The following IQSEC1 variants were observed in gnomAD, a reference collection of about 807,000 sequenced individuals.
IQSEC1 encodes IQ motif and SEC7 domain-containing protein 1.
In IQSEC1, 31 loss-of-function variants were observed where a neutral mutation model predicts 91.0. That is an observed-to-expected ratio of 0.34 (90% confidence interval 0.26 to 0.46). The LOEUF (loss-of-function observed/expected upper bound fraction) is 0.46, where lower values mean the gene tolerates loss of function less well. Ranked by LOEUF, IQSEC1 falls within the 20% of genes least tolerant of loss-of-function variation. IQSEC1 has a pLI of 1.00. For synonymous variants in IQSEC1, 699 were observed against 662.6 expected (o/e 1.05, Z -0.84); for missense variants, 1,388 against 1,575.6 (o/e 0.88, Z 2.02).
intron 1 of IQSEC1, among the ~76,000 whole-genome samples, chr3:13,046,237 A>G (rs1704488256): frequency 6.6e-6 from 1 of 152,254 alleles, no homozygotes; most frequent in African/African-American, 2.4e-5. Context: ...CACAAAGCAA[A>G]GGAAGTACTG....
At chr3:12,904,637 A>G (rs1694767176) in intron 12 of IQSEC1, among the ~76,000 whole-genome samples, 1 of 152,126 alleles carries the variant, frequency 6.6e-6, no homozygotes, top group African/African-American at 2.4e-5. Flanking sequence ...CACTCAGGAC[A>G]TTGTGGCGCC....
intron 1 of IQSEC1, among the ~76,000 whole-genome samples, chr3:13,222,194 G>A (rs1031105376): frequency 7.7e-6 from 1 of 129,072 alleles, no homozygotes; most frequent in Middle Eastern, 4.4e-3. Flanking sequence ...CTCCGTGAAT[G>A]TGACTACTCC....
intron 1 of IQSEC1, among the ~76,000 whole-genome samples, chr3:13,268,587 G>C (rs1011744291): frequency 6.6e-6 from 1 of 152,154 alleles, no homozygotes; most frequent in African/African-American, 2.4e-5. Context: ...AGACTGCACT[G>C]ATGTCACGAA....
At chr3:13,132,675 C>T (rs1706639339) in intron 2 of IQSEC1, among the ~76,000 whole-genome samples, 1 of 152,224 alleles carries the variant, frequency 6.6e-6, no homozygotes, top group Non-Finnish European at 1.5e-5. Context: ...TTGTTCATTT[C>T]CTACCTCTCA....
At chr3:12,999,221 T>C (rs889963567) in intron 1 of IQSEC1, among the ~76,000 whole-genome samples, 2 of 152,040 alleles carry the variant, frequency 1.3e-5, no homozygotes, top group Non-Finnish European at 2.9e-5. Context: ...AGACGAGTAC[T>C]AAGACTCCTT....
rs80333581 is a variant in IQSEC1, at chr3:12,907,864, C to T, written c.2755+485G>A. Among the ~76,000 whole-genome samples the T allele has an allele frequency of 4.6e-3, 694 of 152,328 alleles. 6 individuals carry two copies. The highest frequency in any genetic ancestry group is 0.016 in the African/African-American group (665 of 41,574). On this transcript the variant is annotated intron_variant, in intron 12 of 13. Transcript: ENST00000613206. ...GCTGCTCAATGGCCTCTGGGCTGGA[C>T]GAGGCCCGGGTTTCCCAGGAGAGGA...
intron 1 of IQSEC1, among the ~76,000 whole-genome samples, chr3:12,996,705 C>A (rs1702239617): frequency 6.6e-6 from 1 of 152,108 alleles, no homozygotes; most frequent in Admixed American, 6.6e-5. Context: ...ATAAACAGGT[C>A]TTTCAAATCG....
In IQSEC1 at chr3:12,901,934, G is replaced by A. The variant is rs998930537; in HGVS notation, c.2806-412C>T. Among the ~76,000 whole-genome samples, 380 of 152,188 alleles carry A rather than the reference G, an allele frequency of 2.5e-3. 4 individuals are homozygous for A. Among genetic ancestry groups the A allele is most frequent in the African/African-American group, 8.8e-3 (365 of 41,546 alleles). On this transcript the variant is annotated intron_variant, in intron 13 of 13. Transcript: ENST00000613206. Reference sequence around the variant, plus strand: ...TGCCTGGAGGAGGAGCCCTGCTCCTGCTGAAAACAGGGCCCTCAGCTCTCC... The same window carrying A: ...TGCCTGGAGGAGGAGCCCTGCTCCTACTGAAAACAGGGCCCTCAGCTCTCC...
At chr3:13,031,575 T>C (rs575041880) in intron 1 of IQSEC1, among the ~76,000 whole-genome samples, 19 of 152,280 alleles carry the variant, frequency 1.2e-4, no homozygotes, top group African/African-American at 4.6e-4. Flanking sequence ...ATCTAACCTT[T>C]CCCTCGTTCA....
intron 1 of IQSEC1, among the ~76,000 whole-genome samples, chr3:13,062,906 G>A (rs767736040): frequency 5.9e-5 from 9 of 152,218 alleles, no homozygotes; most frequent in Admixed American, 1.3e-4. Context: ...TATTAGCCAC[G>A]CTCAGGTCAG....
At chr3:13,167,768 C>A (rs896060544) in intron 1 of IQSEC1, among the ~76,000 whole-genome samples, 4 of 152,226 alleles carry the variant, frequency 2.6e-5, no homozygotes, top group Non-Finnish European at 5.9e-5. Flanking sequence ...GTGGAACCTG[C>A]AGACTGCCCC....
At chr3:13,277,452 T>C (rs1206174869) in intron 1 of IQSEC1, among the ~76,000 whole-genome samples, 1 of 152,198 alleles carries the variant, frequency 6.6e-6, no homozygotes. Flanking sequence ...AAACATCTCA[T>C]GGTTTATTTT....
At chr3:13,034,118 G>A (rs1194338023) in intron 1 of IQSEC1, among the ~76,000 whole-genome samples, 1 of 152,206 alleles carries the variant, frequency 6.6e-6, no homozygotes, top group Non-Finnish European at 1.5e-5. Context: ...ACGTCAGCAT[G>A]TGAATTCAGG....
At chr3:13,059,596 A>T (rs904891401) in intron 1 of IQSEC1, among the ~76,000 whole-genome samples, 7 of 152,084 alleles carry the variant, frequency 4.6e-5, no homozygotes, top group Non-Finnish European at 7.4e-5. Context: ...ACAAAAAAAT[A>T]AAAAAAATTA....
rs530339251 is a variant in IQSEC1 at position 13,175,627 on chromosome 3, G to C, written c.273-11494C>G. 1.8e-3 allele frequency among the ~76,000 whole-genome samples: 276 copies of C among 152,318 alleles called. 3 individuals are homozygous for C. The highest frequency in any genetic ancestry group is 6.4e-3 in the African/African-American group (265 of 41,568). On this transcript the variant is annotated intron_variant, in intron 1 of 15. Transcript: ENST00000648114. ...TTTGCTTCTTGTCTCAATCCATCTG[G>C]GTTGCTATAACAAAAATGCCATACG...
intron 1 of IQSEC1, among the ~76,000 whole-genome samples, chr3:13,245,014 C>T (rs370992608): frequency 3.2e-4 from 49 of 152,312 alleles, no homozygotes; most frequent in African/African-American, 1.1e-3. Context: ...GCTAGGGCCA[C>T]TATGATGCTA....
chr3:13,118,511 C>G (rs1418470587), intron 2 of IQSEC1, among the ~76,000 whole-genome samples: 1 of 152,168 alleles, frequency 6.6e-6, no homozygotes, highest in East Asian at 1.9e-4. Flanking sequence ...CAGGCTACTA[C>G]ACGGATGACC....
chr3:13,117,100 T>C (rs887623362), intron 2 of IQSEC1, among the ~76,000 whole-genome samples: 2 of 150,674 alleles, frequency 1.3e-5, no homozygotes, highest in Admixed American at 6.7e-5. Context: ...GGATCTAGTA[T>C]CCAGAGGATA....
intron 2 of IQSEC1, among the ~76,000 whole-genome samples, chr3:13,162,770 C>T (rs1209110227): frequency 3.3e-5 from 5 of 152,206 alleles, no homozygotes; most frequent in African/African-American, 1.2e-4. Flanking sequence ...CTCCCCTCCT[C>T]CTCCTCAGGG....
Sources: gnomAD v4.1 joint callset for allele counts (sites outside exome capture counted in the v4.1 genomes callset) on GRCh38, gnomAD v4.1.1 for gene constraint, MANE v1.5 for transcripts, NCBI Gene and HGNC (gene_info 2026-07-23, HGNC 2026-07-21) for gene names.